The following EYS variants were observed in gnomAD, a reference collection of about 807,000 sequenced individuals.
The protein encoded by EYS is EGF-like photoreceptor maintenance factor, also known as protein eyes shut homolog.
A neutral mutation model predicts 282.1 loss-of-function variants in EYS; 250 were observed. That is an observed-to-expected ratio of 0.89 (90% CI 0.80 to 0.98). EYS has a LOEUF of 0.98. EYS is among the 50% of genes least tolerant of loss of function. The probability of loss-of-function intolerance (pLI) is 0.00; values close to 1 mark genes in which losing one functional copy is unlikely to be tolerated. For missense variants in EYS, 4,016 were observed against 3,709.0 expected, an observed-to-expected ratio of 1.08 and a Z score of -2.15; for synonymous variants, 1,355 against 1,282.9, an observed-to-expected ratio of 1.06 and a Z score of -1.20.
intron 26 of EYS, among the ~76,000 whole-genome samples, chr6:64,562,587 C>T (rs764488704): frequency 6.6e-6 from 1 of 151,660 alleles, no homozygotes; most frequent in South Asian, 2.1e-4. Context: ...AAGCAATTAT[C>T]CCATTTTTAC....
chr6:65,610,567 G>A (rs891590177), intron 2 of EYS, among the ~76,000 whole-genome samples: 1 of 151,890 alleles, frequency 6.6e-6, no homozygotes, highest in Non-Finnish European at 1.5e-5. Flanking sequence ...TAACTACAGG[G>A]GAACATCCTA....
chr6:64,904,554 G>A (rs940604911), intron 16 of EYS, among the ~76,000 whole-genome samples: 1 of 152,126 alleles, frequency 6.6e-6, no homozygotes, highest in African/African-American at 2.4e-5. Flanking sequence ...TTTGATTGAG[G>A]TTAGATTTTT....
At chr6:64,408,873 G>A (rs748072914) in intron 28 of EYS, among the ~76,000 whole-genome samples, 4 of 152,136 alleles carry the variant, frequency 2.6e-5, no homozygotes, top group Non-Finnish European at 5.9e-5. Flanking sequence ...CTGGGGTTTG[G>A]TGTACAAATG....
chr6:64,312,470 A>G (rs1769755969), intron 29 of EYS, among the ~76,000 whole-genome samples: 2 of 152,260 alleles, frequency 1.3e-5, no homozygotes, highest in South Asian at 4.1e-4. Flanking sequence ...AGGCTTAAAT[A>G]TCCCTGACTG....
intron 16 of EYS, among the ~76,000 whole-genome samples, chr6:64,911,862 C>A (rs1345585004): frequency 6.6e-6 from 1 of 152,072 alleles, no homozygotes; most frequent in Admixed American, 6.6e-5. Flanking sequence ...AGACCCCAAT[C>A]AAGAAAGTTT....
intron 31 of EYS, among the ~76,000 whole-genome samples, chr6:64,094,440 A>T (rs1423670842): frequency 1.3e-5 from 2 of 152,006 alleles, no homozygotes; most frequent in African/African-American, 2.4e-5. Context: ...AGCTCCTGTT[A>T]TTGGTCTATT....
intron 28 of EYS, among the ~76,000 whole-genome samples, chr6:64,398,748 G>C (rs371182405): frequency 6.6e-6 from 1 of 151,716 alleles, no homozygotes; most frequent in Non-Finnish European, 1.5e-5. Flanking sequence ...ATAGACCTAA[G>C]ACCAGGTATG....
chr6:64,748,306 A>C (rs1372580400), intron 22 of EYS, among the ~76,000 whole-genome samples: 2 of 152,182 alleles, frequency 1.3e-5, no homozygotes, highest in Non-Finnish European at 2.9e-5. Flanking sequence ...GCGCTCCCCA[A>C]CATTTTTTGG....
chr6:64,938,414 G>A (rs902622321), intron 15 of EYS, among the ~76,000 whole-genome samples: 1 of 151,028 alleles, frequency 6.6e-6, no homozygotes, highest in African/African-American at 2.4e-5. Context: ...TTAATTAGTA[G>A]TTATTGTTGT....
intron 13 of EYS, among the ~76,000 whole-genome samples, chr6:65,003,914 G>A (rs1426116889): frequency 6.8e-6 from 1 of 146,788 alleles, no homozygotes; most frequent in African/African-American, 2.4e-5. Flanking sequence ...ATGTCATTTC[G>A]TTTTCTGTGT....
In EYS at chr6:64,693,796, T is replaced by C. The variant is rs562159950; in HGVS notation, c.3444-67551A>G. ...GCTTTATAAAAATTAAGATACTCTC[T>C]TCATTAAAAATGGAAGTTAAAAAAA... is the stretch of plus-strand genomic sequence containing the variant. On this transcript the variant is annotated intron_variant, in intron 22 of 42. Transcript: ENST00000503581. Among the ~76,000 whole-genome samples the C allele has an allele frequency of 4.2e-4, 64 of 152,224 alleles. No individual in the cohort carries two copies. In the Middle Eastern group the frequency reaches 0.014, roughly 32 times the overall value.
At chr6:65,354,668 T>C (rs13220228) in intron 8 of EYS, among the ~76,000 whole-genome samples, 8 of 151,914 alleles carry the variant, frequency 5.3e-5, no homozygotes, top group African/African-American at 1.9e-4. Context: ...ATACAAAAAA[T>C]TAGTCAGGTG....
intron 12 of EYS, among the ~76,000 whole-genome samples, chr6:65,095,161 CAA>C (rs1483623575): frequency 6.6e-6 from 1 of 150,958 alleles, no homozygotes; most frequent in African/African-American, 2.4e-5. Context: ...CTGATTAGGC[CAA>C]TAACGAAGAA....
At chr6:63,815,145 T>C (rs1380533162) in intron 36 of EYS, among the ~76,000 whole-genome samples, 1 of 152,226 alleles carries the variant, frequency 6.6e-6, no homozygotes, top group Non-Finnish European at 1.5e-5. Flanking sequence ...AGATGCACTA[T>C]TGTATATTCT....
intron 36 of EYS, among the ~76,000 whole-genome samples, chr6:63,845,205 C>A (rs1237468884): frequency 6.6e-6 from 1 of 152,052 alleles, no homozygotes; most frequent in Non-Finnish European, 1.5e-5. Flanking sequence ...GATGGGGGAG[C>A]ATTTATTCCA....
rs200111014 is a variant in EYS at position 64,048,361 on chromosome 6, AGTT to A, written c.6725+17974_6725+17976del. 5.7e-3 allele frequency among the ~76,000 whole-genome samples: 871 copies of A among 152,158 alleles called. 7 individuals carry two copies. The highest frequency in any genetic ancestry group is 0.019 in the African/African-American group (795 of 41,512). ...TGAGCTACTCCATAACTTTCCATTC[AGTT>A]GTTTCCGTTGTGACTTTGGTTCTGC... On this transcript the variant is annotated intron_variant, in intron 33 of 42. Coordinates refer to ENST00000503581, the MANE Select transcript of EYS (RefSeq NM_001142800.2).
chr6:65,632,965 A>G (rs1766968583), intron 2 of EYS, among the ~76,000 whole-genome samples: 1 of 152,208 alleles, frequency 6.6e-6, no homozygotes, highest in Non-Finnish European at 1.5e-5. Flanking sequence ...TATGTAATTA[A>G]TAAAATAAAA....
intron 5 of EYS, among the ~76,000 whole-genome samples, chr6:65,420,940 A>G (rs1767433429): frequency 6.6e-6 from 1 of 151,796 alleles, no homozygotes; most frequent in African/African-American, 2.4e-5. Flanking sequence ...TATGCTGTAA[A>G]CAGGTGTGTG....
chr6:65,050,061 A>C (rs1288698061), intron 13 of EYS, among the ~76,000 whole-genome samples: 1 of 151,714 alleles, frequency 6.6e-6, no homozygotes, highest in Non-Finnish European at 1.5e-5. Context: ...ATTAACATGA[A>C]ATAAAATTAA....
Sources: allele counts gnomAD v4.1 joint callset (sites outside exome capture counted in the v4.1 genomes callset), GRCh38; gene constraint gnomAD v4.1.1; transcripts MANE v1.5; gene names NCBI Gene and HGNC (gene_info 2026-07-23, HGNC 2026-07-21).